Variants in SLC6A11 observed in about 807,000 individuals in gnomAD.
SLC6A11 encodes solute carrier family 6 member 11, also known as sodium- and chloride-dependent GABA transporter 3.
SLC6A11 carries 25 observed loss-of-function variants against 74.8 expected under a neutral mutation model. The observed-to-expected ratio is 0.33, with a 90% CI of 0.24 to 0.47. The LOEUF is 0.47. SLC6A11 is among the 20% of genes least tolerant of loss of function. The probability of loss-of-function intolerance (pLI) is 1.00; values close to 1 mark genes in which losing one functional copy is unlikely to be tolerated. For synonymous variants in SLC6A11, 330 were observed against 330.2 expected (o/e 1.00, Z 0.01); for missense variants, 574 against 837.0 (o/e 0.69, Z 3.88).
intron 8 of SLC6A11, among the ~76,000 whole-genome samples, chr3:10,923,166 T>C (rs957887354): frequency 1.3e-5 from 2 of 151,702 alleles, no homozygotes; most frequent in African/African-American, 4.8e-5. Context: ...CTTTGTGTGC[T>C]GAGAGGGCCT....
chr3:10,874,940 G>C (rs369209464), intron 5 of SLC6A11, 21 bp from the exon 6 acceptor site: 90 of 1,588,812 alleles, frequency 5.7e-5, no homozygotes, highest in Non-Finnish European at 7.7e-5. Flanking sequence ...TCTTGATTCT[G>C]TCCTCTCCTC....
intron 5 of SLC6A11, among the ~76,000 whole-genome samples, chr3:10,864,098 C>T (rs1382900721): frequency 6.6e-6 from 1 of 151,936 alleles, no homozygotes; most frequent in African/African-American, 2.4e-5. Context: ...TCCATTTCTC[C>T]CAAGTGAAGC....
intron 6 of SLC6A11, among the ~76,000 whole-genome samples, chr3:10,896,679 C>A (rs573578833): frequency 6.6e-6 from 1 of 152,178 alleles, no homozygotes; most frequent in African/African-American, 2.4e-5. Flanking sequence ...GGGGCTTGCT[C>A]GACTTTCTTT....
At chr3:10,938,226 T>G in intron 13 of SLC6A11, 24 bp from the exon 14 acceptor site, 1 of 1,572,756 alleles carries the variant, frequency 6.4e-7, no homozygotes, top group Non-Finnish European at 8.7e-7. Context: ...CACTCAGATC[T>G]TCCCCTCCTC....
chr3:10,866,755 A>G (rs190893816), intron 5 of SLC6A11, among the ~76,000 whole-genome samples: 60 of 152,354 alleles, frequency 3.9e-4, no homozygotes, highest in Middle Eastern at 3.4e-3. Context: ...TTGGTTGCTT[A>G]AAACAGAAAG....
At chr3:10,877,785 C>A (rs961515859) in intron 6 of SLC6A11, among the ~76,000 whole-genome samples, 1 of 152,208 alleles carries the variant, frequency 6.6e-6, no homozygotes, top group Non-Finnish European at 1.5e-5. Flanking sequence ...GACTTTGGAG[C>A]AACATTGGGC....
rs74470612 is a variant in SLC6A11, at chr3:10,889,896, G to C, written c.891+14801G>C. 9.3e-3 allele frequency among the ~76,000 whole-genome samples: 1,414 copies of C among 152,230 alleles called. 81 individuals carry two copies. The South Asian group carries it at 0.11, about 12-fold the overall frequency. On this transcript the variant is annotated intron_variant, in intron 6 of 13. Transcript: ENST00000254488. ...CCACCTGCCCTCGCTCCCATGCCAG[G>C]GGGGAGAGAGAGAGAGAGGATCACT...
intron 6 of SLC6A11, among the ~76,000 whole-genome samples, chr3:10,887,919 A>T (rs1695064149): frequency 6.6e-6 from 1 of 152,246 alleles, no homozygotes; most frequent in South Asian, 2.1e-4. Context: ...AAGTCAGTAG[A>T]CTGAAGCCTC....
At chr3:10,889,887 C>T (rs1414949876) in intron 6 of SLC6A11, among the ~76,000 whole-genome samples, 3 of 152,112 alleles carry the variant, frequency 2.0e-5, no homozygotes, top group Non-Finnish European at 4.4e-5. Context: ...GCCCTCGCTC[C>T]CATGCCAGGG....
chr3:10,903,471 A>G (rs191187183), intron 6 of SLC6A11, among the ~76,000 whole-genome samples: 1 of 152,300 alleles, frequency 6.6e-6, no homozygotes, highest in East Asian at 1.9e-4. Flanking sequence ...ATGAGAGCTT[A>G]TCTGCCTTTG....
At chr3:10,934,249 C>T in intron 12 of SLC6A11, 83 bp downstream of exon 12, 3 of 963,032 alleles carry the variant, frequency 3.1e-6, no homozygotes, top group Non-Finnish European at 5.0e-6. Flanking sequence ...GTAGCCCCCA[C>T]CCTGGCCGAG....
At chr3:10,866,609 A>G (rs768816771) in intron 5 of SLC6A11, among the ~76,000 whole-genome samples, 3 of 152,228 alleles carry the variant, frequency 2.0e-5, no homozygotes, top group Non-Finnish European at 4.4e-5. Context: ...ACAGCTAATG[A>G]TACACCACTT....
At chr3:10,837,328 G>A (rs1694379751) in intron 4 of SLC6A11, among the ~76,000 whole-genome samples, 1 of 152,120 alleles carries the variant, frequency 6.6e-6, no homozygotes, top group African/African-American at 2.4e-5. Context: ...TGGAGAGGTA[G>A]CTCCAGACCC....
At chr3:10,832,610 C>G (rs1489494593) in intron 4 of SLC6A11, among the ~76,000 whole-genome samples, 1 of 152,172 alleles carries the variant, frequency 6.6e-6, no homozygotes, top group Non-Finnish European at 1.5e-5. Flanking sequence ...ATAAATATGT[C>G]TCCCCAGCCC....
At chr3:10,870,781 C>T (rs1293556028) in intron 5 of SLC6A11, among the ~76,000 whole-genome samples, 1 of 152,184 alleles carries the variant, frequency 6.6e-6, no homozygotes, top group Non-Finnish European at 1.5e-5. Flanking sequence ...GCCTCTAAGC[C>T]ACCTTTTGTA....
intron 10 of SLC6A11, among the ~76,000 whole-genome samples, chr3:10,932,640 TGG>T (rs1695705348): frequency 6.6e-6 from 1 of 151,942 alleles, no homozygotes; most frequent in African/African-American, 2.4e-5. Context: ...GGAGGGACTG[TGG>T]GAAGGGAGAT....
chr3:10,860,686 A>G (rs1694693039), intron 5 of SLC6A11, among the ~76,000 whole-genome samples: 1 of 152,242 alleles, frequency 6.6e-6, no homozygotes, highest in Non-Finnish European at 1.5e-5. Context: ...ACTTCCGGGA[A>G]GTGGAGCCAG....
chr3:10,885,597 TAAA>T (rs35167441), intron 6 of SLC6A11, among the ~76,000 whole-genome samples: 6,133 of 138,468 alleles, frequency 0.044, 339 homozygotes, highest in African/African-American at 0.13. Context: ...GCCCCCATGA[TAAA>T]AAAAAAAAAA....
Position 10,912,203 on chromosome 3 carries a change from T to C in SLC6A11, c.995+10T>C, listed in dbSNP as rs1468468808. ...ACAACAACTGCTACAGGTGAGCATT[T>C]CCCTGGGCCCTGCCAGCTCTCCACC... On this transcript the variant is annotated intron_variant, in intron 7 of 13. Coordinates refer to ENST00000254488, the MANE Select transcript of SLC6A11 (RefSeq NM_014229.3). 1.3e-6 allele frequency: 2 copies of C among 1,573,894 alleles called. No homozygotes were observed. The highest frequency in any genetic ancestry group is 1.1e-5 in the South Asian group (1 of 90,264).
Sources: gnomAD v4.1 joint callset for allele counts (sites outside exome capture counted in the v4.1 genomes callset) on GRCh38, gnomAD v4.1.1 for gene constraint, MANE v1.5 for transcripts, NCBI Gene and HGNC (gene_info 2026-07-23, HGNC 2026-07-21) for gene names.